The following USP15 variants were observed in gnomAD, a reference collection of about 807,000 sequenced individuals.
The protein encoded by USP15 is ubiquitin specific peptidase 15, also known as ubiquitin carboxyl-terminal hydrolase 15.
A neutral mutation model predicts 127.1 loss-of-function variants in USP15; 18 were observed. The ratio of observed to expected loss-of-function variants is 0.14; its 90% confidence interval spans 0.10 to 0.21. The LOEUF is 0.21. USP15 is among the 10% of genes least tolerant of loss of function. The pLI is 1.00. For synonymous variants in USP15, 364 were observed against 393.7 expected, an observed-to-expected ratio of 0.92 and a Z score of 0.89; for missense variants, 805 against 1,159.9, an observed-to-expected ratio of 0.69 and a Z score of 4.44.
intron 3 of USP15, 33 bp downstream of exon 3, chr12:62,302,953 A>AT: frequency 6.3e-7 from 1 of 1,581,652 alleles, no homozygotes; most frequent in Non-Finnish European, 8.6e-7. Context: ...TATAAATATT[A>AT]TTTTTCTTGA....
intron 8 of USP15, among the ~76,000 whole-genome samples, chr12:62,364,904 C>A (rs7956332): frequency 0.22 from 34,063 of 152,098 alleles, 4,158 homozygotes; most frequent in African/African-American, 0.34. Flanking sequence ...TTTTTTATGG[C>A]TGCATAATAT....
chr12:62,326,617 G>A (rs1043541326), intron 6 of USP15, among the ~76,000 whole-genome samples: 17 of 152,150 alleles, frequency 1.1e-4, no homozygotes, highest in East Asian at 5.8e-4. Flanking sequence ...GGATAAATAA[G>A]GACTATAAAT....
chr12:62,335,015 C>G, intron 6 of USP15: 1 of 677,290 alleles, frequency 1.5e-6, no homozygotes, highest in East Asian at 2.8e-5. Flanking sequence ...GAAACCACTT[C>G]AGCTAAATGG....
At chr12:62,394,185 C>T (rs988646615) in intron 19 of USP15, among the ~76,000 whole-genome samples, 4 of 152,116 alleles carry the variant, frequency 2.6e-5, no homozygotes, top group Admixed American at 6.5e-5. Context: ...TTGTATTCCC[C>T]GTCACTTAGT....
At chr12:62,339,774 G>T (rs986735273) in intron 6 of USP15, among the ~76,000 whole-genome samples, 21 of 152,138 alleles carry the variant, frequency 1.4e-4, no homozygotes, top group Non-Finnish European at 2.2e-4. Flanking sequence ...ATGTGCTGCT[G>T]GATTCGGTTG....
At chr12:62,368,604 T>A (rs563365921) in intron 8 of USP15, among the ~76,000 whole-genome samples, 52 of 152,350 alleles carry the variant, frequency 3.4e-4, no homozygotes, top group African/African-American at 1.2e-3. Flanking sequence ...GTTTAAAGTA[T>A]GTTTTATCAA....
chr12:62,351,733 T>C (rs1565879298), intron 7 of USP15, among the ~76,000 whole-genome samples: 2 of 152,072 alleles, frequency 1.3e-5, no homozygotes, highest in Non-Finnish European at 2.9e-5. Context: ...ATTCAAACAC[T>C]AAAATAGCCC....
chr12:62,386,897 A>G (rs1565905833), intron 11 of USP15, among the ~76,000 whole-genome samples: 2 of 152,170 alleles, frequency 1.3e-5, no homozygotes, highest in Non-Finnish European at 2.9e-5. Context: ...AAACACTTCA[A>G]CTCTGTCAGG....
chr12:62,282,280 A>T (rs2063673787), intron 1 of USP15, among the ~76,000 whole-genome samples: 1 of 152,136 alleles, frequency 6.6e-6, no homozygotes, highest in African/African-American at 2.4e-5. Flanking sequence ...GTGAGCTGTG[A>T]TCATGCCCCA....
chr12:62,326,935 G>C (rs1013694248), intron 6 of USP15, among the ~76,000 whole-genome samples: 4 of 152,010 alleles, frequency 2.6e-5, no homozygotes, highest in African/African-American at 9.7e-5. Context: ...TTTAAGACCA[G>C]CCTGGCCAAC....
At chr12:62,342,181 T>C (rs56104969) in intron 6 of USP15, among the ~76,000 whole-genome samples, 15,951 of 152,010 alleles carry the variant, frequency 0.1, 885 homozygotes, top group Middle Eastern at 0.17. Flanking sequence ...TGTGGTATCC[T>C]TTCTTCCGCT....
chr12:62,289,698 TG>T lies in USP15; in HGVS notation c.90-4480del, dbSNP rs2063900113. Among the ~76,000 whole-genome samples, 2 of 3,968 alleles carry T rather than the reference TG, an allele frequency of 5.0e-4. 1 individual carries two copies. The highest frequency in any genetic ancestry group is 0.026 in the South Asian group (2 of 78). 2.6% of individuals were successfully genotyped at this position (3,968 alleles called of 152,430 possible). A position where few individuals can be genotyped will look rare whatever the true frequency, so the allele number is the denominator to read the frequency against. On this transcript the variant is annotated intron_variant, in intron 1 of 21. Coordinates refer to ENST00000280377, the MANE Select transcript of USP15 (RefSeq NM_001252078.2). ...TGGGTGTGACATTAGGTTGTTAATT[TG>T]TGTGTGTGTGTGTGTGTGTGTGTGT...
intron 18 of USP15, among the ~76,000 whole-genome samples, 193 bp downstream of exon 18, chr12:62,392,580 A>G (rs768070899): frequency 6.6e-6 from 1 of 152,092 alleles, no homozygotes; most frequent in Non-Finnish European, 1.5e-5. Flanking sequence ...TGTTGCCTTA[A>G]TTTTATTACT....
intron 8 of USP15, among the ~76,000 whole-genome samples, chr12:62,377,153 A>T (rs2066857103): frequency 6.6e-6 from 1 of 152,180 alleles, no homozygotes; most frequent in African/African-American, 2.4e-5. Context: ...AGGGTAAATT[A>T]GGTATCCATC....
intron 6 of USP15, among the ~76,000 whole-genome samples, chr12:62,334,819 G>T (rs1366036743): frequency 6.6e-6 from 1 of 152,166 alleles, no homozygotes; most frequent in Non-Finnish European, 1.5e-5. Context: ...TAATATGGTG[G>T]TAGATTTCCA....
chr12:62,357,729 C>T lies in USP15; in HGVS notation c.915+2254C>T, dbSNP rs571540296. 2.6e-5 allele frequency among the ~76,000 whole-genome samples: 4 copies of T among 152,196 alleles called. No homozygotes were observed. In the East Asian group the frequency reaches 7.7e-4, roughly 29 times the overall value. On this transcript the variant is annotated intron_variant, in intron 8 of 21. Coordinates refer to ENST00000280377, the MANE Select transcript of USP15 (RefSeq NM_001252078.2). ...TTGTGCGGCTTTAGCTTTTAGTTCA[C>T]ATCTGGAATTAGAAAAGCTAGGCCT...
In USP15 at chr12:62,404,405, CT is replaced by C; in HGVS notation, c.*33del. ...AGTCCTAGAAGCCATAAAAGAGACA[CT>C]TTCCTGCTGGTGGTATCTATGGAAA... On this transcript the variant is annotated 3_prime_UTR_variant, in exon 22 of 22. Coordinates refer to ENST00000280377, the MANE Select transcript of USP15 (RefSeq NM_001252078.2). 1 of 1,534,270 alleles carries C rather than the reference CT, an allele frequency of 6.5e-7. No homozygotes were observed. Among genetic ancestry groups the C allele is most frequent in the Non-Finnish European group, 8.8e-7 (1 of 1,137,694 alleles).
At chr12:62,371,227 G>A (rs2066655403) in intron 8 of USP15, among the ~76,000 whole-genome samples, 1 of 152,106 alleles carries the variant, frequency 6.6e-6, no homozygotes, top group African/African-American at 2.4e-5. Flanking sequence ...TCAATTCTTA[G>A]AATTTATTAT....
rs1160927484 is a variant in USP15 at position 62,381,583 on chromosome 12, G to C, written c.1009G>C (p.Glu337Gln). The C allele has an allele frequency of 1.2e-6, 2 of 1,613,188 alleles. No individual in the cohort carries two copies. Among genetic ancestry groups the C allele is most frequent in the East Asian group, 2.2e-5 (1 of 44,842 alleles). Residue 337 changes from glutamate to glutamine, a missense_variant, in exon 9 of 22, where the codon GAA becomes CAA. Around this residue, in one of 11 missense-constraint regions of USP15, gnomAD observed 84 missense variants for 210.3 expected, o/e 0.40. Coordinates refer to ENST00000280377, the MANE Select transcript of USP15 (RefSeq NM_001252078.2). ...NFDNPLGMRG[E>Q]IAKSYAELIK... ...TGACAATCCCTTAGGAATGAGAGGTGAAATAGCTAAATCTTATGCCGAACT... is the reference window on the plus strand; with the variant it reads ...TGACAATCCCTTAGGAATGAGAGGTCAAATAGCTAAATCTTATGCCGAACT...
Sources: gnomAD v4.1 joint callset for allele counts (sites outside exome capture counted in the v4.1 genomes callset) on GRCh38, gnomAD v4.1.1 for gene constraint, gnomAD v4.1.1 regional missense constraint, MANE v1.5 for transcripts, NCBI Gene and HGNC (gene_info 2026-07-23, HGNC 2026-07-21) for gene names.